SSBP4: variants seen among roughly 807,000 people sequenced by gnomAD.
SSBP4 encodes the protein single-stranded DNA-binding protein 4.
SSBP4 carries 33 observed loss-of-function variants against 64.6 expected under a neutral mutation model. The ratio of observed to expected loss-of-function variants is 0.51; its 90% CI spans 0.39 to 0.68. The LOEUF is 0.68. Ranked by LOEUF, SSBP4 falls within the 30% of genes least tolerant of loss-of-function variation. The probability of loss-of-function intolerance (pLI) is 0.00; values close to 1 mark genes in which losing one functional copy is unlikely to be tolerated. For missense variants in SSBP4, 583 were observed against 566.8 expected, an observed-to-expected ratio of 1.03 and a Z score of -0.29; for synonymous variants, 243 against 224.0, an observed-to-expected ratio of 1.08 and a Z score of -0.76.
At chr19:18,432,776 G>A (rs1286043749) in intron 12 of SSBP4, 41 bp downstream of exon 12, 2 of 1,613,058 alleles carry the variant, frequency 1.2e-6, no homozygotes, top group African/African-American at 2.7e-5. Context: ...GGCAGGGGTT[G>A]TGGGATGGCA....
intron 1 of SSBP4, among the ~76,000 whole-genome samples, chr19:18,420,988 G>A (rs1243897779): frequency 6.6e-6 from 1 of 152,056 alleles, no homozygotes; most frequent in Admixed American, 6.6e-5. Flanking sequence ...CCCAAGCAGA[G>A]AGGAGGCTGG....
At chr19:18,428,703 G>A (rs1175226854) in intron 4 of SSBP4, among the ~76,000 whole-genome samples, 2 of 151,982 alleles carry the variant, frequency 1.3e-5, no homozygotes, top group East Asian at 3.9e-4. Flanking sequence ...TACCCCCTGT[G>A]CGCCAGAGCG....
chr19:18,419,201 C>T, upstream of SSBP4: 1 of 986,496 alleles, frequency 1.0e-6, no homozygotes, highest in Non-Finnish European at 1.2e-6. Context: ...ATCAGCTGTG[C>T]GTCCCTGGGT....
At chr19:18,429,812 G>A (rs1973196917) in intron 4 of SSBP4, among the ~76,000 whole-genome samples, 1 of 152,154 alleles carries the variant, frequency 6.6e-6, no homozygotes, top group African/African-American at 2.4e-5. Flanking sequence ...CCCGCCTCCA[G>A]CCCCTCCCCC....
chr19:18,419,863 C>T (rs1469563401), intron 1 of SSBP4, among the ~76,000 whole-genome samples, 156 bp downstream of exon 1: 3 of 115,430 alleles, frequency 2.6e-5, no homozygotes, highest in African/African-American at 6.5e-5. Context: ...GCGCGACCCC[C>T]GAGGGGCACG....
chr19:18,422,716 C>T (rs765982010), intron 1 of SSBP4, among the ~76,000 whole-genome samples: 1 of 152,204 alleles, frequency 6.6e-6, no homozygotes, highest in Admixed American at 6.5e-5. Flanking sequence ...GAGCACCTGC[C>T]GGGGCAGCCA....
chr19:18,418,830 A>C (rs1972233266), upstream of SSBP4: 1 of 351,482 alleles, frequency 2.8e-6, no homozygotes, highest in Non-Finnish European at 4.0e-6. This position sits in a 1 kb window ranked among gnomAD's most constrained non-coding sequence, Gnocchi z 6.7. Context: ...GGCCTTGCAT[A>C]AGCGCGCGCC....
chr19:18,429,474 G>GT (rs1000777689), intron 4 of SSBP4, among the ~76,000 whole-genome samples: 1 of 151,954 alleles, frequency 6.6e-6, no homozygotes, highest in Non-Finnish European at 1.5e-5. Flanking sequence ...AGGGGGCGGG[G>GT]GGGGGGTGCG....
chr19:18,410,825 G>A, the SSBP4 span, among the ~76,000 whole-genome samples: 2 of 152,044 alleles, frequency 1.3e-5, no homozygotes, highest in Admixed American at 6.6e-5. Flanking sequence ...TGGCTGCCTT[G>A]GCGAAGGCAG....
chr19:18,434,026 G>A (rs1486999679), intron 17 of SSBP4, 191 bp from the exon 18 acceptor site: 166 of 911,516 alleles, frequency 1.8e-4, no homozygotes, highest in Non-Finnish European at 2.1e-4. Context: ...GATCCCATCC[G>A]CCCCCACCCC....
Position 18,419,581 on chromosome 19 carries a change from C to A in SSBP4, c.-68C>A. On this transcript the variant is annotated 5_prime_UTR_variant, in exon 1 of 18. Transcript: ENST00000270061. ...GGCCCGGGGCGCGGGGTAGCTATGG[C>A]GACGGCAAGCGCGGCCCGCGGCGCC... 8.2e-7 allele frequency: 1 copy of A among 1,218,296 alleles called. No homozygotes were observed. Among genetic ancestry groups the A allele is most frequent in the South Asian group, 2.5e-5 (1 of 40,402 alleles). 75.5% of individuals were successfully genotyped at this position (1,218,296 alleles called of 1,614,324 possible). A position where few individuals can be genotyped will look rare whatever the true frequency, so the allele number is the denominator to read the frequency against.
chr19:18,411,744 G>A, the SSBP4 span, among the ~76,000 whole-genome samples: 2 of 152,032 alleles, frequency 1.3e-5, no homozygotes, highest in African/African-American at 4.8e-5. Flanking sequence ...TACTTACCAA[G>A]TGTGGACTCT....
intron 4 of SSBP4, 139 bp downstream of exon 4, chr19:18,428,121 C>A: frequency 1.0e-6 from 1 of 962,008 alleles, no homozygotes; most frequent in Non-Finnish European, 1.5e-6. Context: ...GGCAGAGCTG[C>A]AGCCTCCACT....
At chr19:18,413,516 G>A in the SSBP4 span, among the ~76,000 whole-genome samples, 2 of 151,862 alleles carry the variant, frequency 1.3e-5, no homozygotes, top group Admixed American at 6.6e-5. Context: ...ACCCAGCCCT[G>A]TGGGGTGTTT....
chr19:18,431,502 C>T, intron 6 of SSBP4, 84 bp downstream of exon 6: 3 of 1,257,690 alleles, frequency 2.4e-6, no homozygotes, highest in Non-Finnish European at 3.3e-6. Context: ...CCATGAGGTC[C>T]TGGCTGGTGC....
chr19:18,419,666 C>A lies in SSBP4; in HGVS notation c.18C>A (p.Gly6=). 8.1e-7 allele frequency: 1 copy of A among 1,238,810 alleles called. No individual in the cohort carries two copies. The highest frequency in any genetic ancestry group is 1.0e-6 in the Non-Finnish European group (1 of 985,962). 76.7% of individuals were successfully genotyped at this position (1,238,810 alleles called of 1,614,324 possible). A position where few individuals can be genotyped will look rare whatever the true frequency, so the allele number is the denominator to read the frequency against. ...GGAGCAGCATGTACGCCAAGGGGGG[C>A]AAGGGTTCGGCCGTGCCCTCCGACA... MYAKG[G]KGSAVPSDSQ... The change falls in exon 1 of 18, where the codon GGC becomes GGA. Residue 6 remains glycine (G), a synonymous_variant. Coordinates refer to ENST00000270061, the MANE Select transcript of SSBP4 (RefSeq NM_032627.5).
intron 12 of SSBP4, 42 bp from the exon 13 acceptor site, chr19:18,432,787 G>A: frequency 1.9e-6 from 3 of 1,613,576 alleles, no homozygotes; most frequent in Non-Finnish European, 2.5e-6. Flanking sequence ...TGGGATGGCA[G>A]ATGAGGGGCC....
chr19:18,402,776 A>G, the SSBP4 span, among the ~76,000 whole-genome samples: 208 of 152,258 alleles, frequency 1.4e-3, no homozygotes, highest in Admixed American at 3.2e-3. Flanking sequence ...AGCCGCAGGG[A>G]CCTCTGCTCT....
chr19:18,424,209 T>C (rs780174546), intron 1 of SSBP4, among the ~76,000 whole-genome samples: 1 of 152,212 alleles, frequency 6.6e-6, no homozygotes, highest in African/African-American at 2.4e-5. Flanking sequence ...ATGGACAGAA[T>C]AGCTGCTGAC....
Sources: gnomAD v4.1 joint callset for allele counts (sites outside exome capture counted in the v4.1 genomes callset) on GRCh38, gnomAD v4.1.1 for gene constraint, Gnocchi (gnomAD v3.1) non-coding constraint, MANE v1.5 for transcripts, NCBI Gene and HGNC (gene_info 2026-07-23, HGNC 2026-07-21) for gene names.